Variants in DMBT1 observed in about 807,000 individuals in gnomAD.
DMBT1 encodes the protein scavenger receptor cysteine-rich domain-containing protein DMBT1.
Under a neutral mutation model 252.9 loss-of-function variants are expected in DMBT1, and 198 were observed. The observed-to-expected ratio is 0.78, with a 90% CI of 0.70 to 0.88. The LOEUF (loss-of-function observed/expected upper bound fraction) is 0.88, where lower values mean the gene tolerates loss of function less well. Among genes scored for constraint, DMBT1 ranks in the 40% least tolerant of loss-of-function variants. DMBT1 has a pLI of 0.00. For missense variants in DMBT1, 2,432 were observed against 2,404.7 expected, an observed-to-expected ratio of 1.01 and a Z score of -0.24; for synonymous variants, 990 against 942.7, an observed-to-expected ratio of 1.05 and a Z score of -0.92.
At chr10:122,629,704 G>A (rs1014355945) in intron 46 of DMBT1, 136 bp from the exon 47 acceptor site, 2 of 1,052,714 alleles carry the variant, frequency 1.9e-6, no homozygotes, top group Non-Finnish European at 2.8e-6. Context: ...CAAGAGAGGG[G>A]ACTTGTTTAC....
rs377131287 is a variant in DMBT1 at position 122,600,665 on chromosome 10, C to G, written c.3311-326C>G. On this transcript the variant is annotated intron_variant, in intron 27 of 55. Coordinates refer to ENST00000338354, the MANE Select transcript of DMBT1 (RefSeq NM_001377530.1). ...CCTGGTTCCCCTAACATTTTATCTGCCAGTGTCCGAGCCTCAGCAATGGCG... is the reference window on the plus strand; with the variant it reads ...CCTGGTTCCCCTAACATTTTATCTGGCAGTGTCCGAGCCTCAGCAATGGCG... Among the ~76,000 whole-genome samples, 999 of 152,274 alleles carry G rather than the reference C, an allele frequency of 6.6e-3. 28 individuals carry two copies. The highest frequency in any genetic ancestry group is 0.053 in the Admixed American group (806 of 15,292).
In DMBT1 at chr10:122,579,838, C is replaced by A. The variant is rs947126229; in HGVS notation, c.940C>A (p.Pro314Thr). 2 of 1,613,630 alleles carry A rather than the reference C, an allele frequency of 1.2e-6. No individual in the cohort carries two copies. Among genetic ancestry groups the A allele is most frequent in the Admixed American group, 1.7e-5 (1 of 60,002 alleles). ...SGHESYLWSCPHNGWLTHNCG... is the reference protein window; with the variant it reads ...SGHESYLWSCTHNGWLTHNCG... ...ACATGAGTCCTACCTGTGGAGCTGC[C>A]CCCACAATGGCTGGCTCACCCACAA... is the stretch of plus-strand genomic sequence containing the variant. The change falls in exon 10 of 56, where the codon CCC (proline) becomes ACC (threonine). Residue 314 changes from proline (P) to threonine (T), a missense_variant. Pro to Thr is a conservative substitution (Grantham distance 38, BLOSUM62 -1). Coordinates refer to ENST00000338354, the MANE Select transcript of DMBT1 (RefSeq NM_001377530.1).
At chr10:122,620,229 C>T (rs1321405062) in intron 42 of DMBT1, 24 bp from the exon 43 acceptor site, 5 of 1,613,528 alleles carry the variant, frequency 3.1e-6, no homozygotes, top group Non-Finnish European at 4.2e-6. Flanking sequence ...TAATTTTGTC[C>T]TTTCTCTTTG....
chr10:122,622,079 G>A (rs780073005), intron 44 of DMBT1, among the ~76,000 whole-genome samples: 2 of 152,190 alleles, frequency 1.3e-5, no homozygotes, highest in Non-Finnish European at 2.9e-5. Flanking sequence ...GCTAAAACCT[G>A]CAAGGGAAAG....
intron 21 of DMBT1, among the ~76,000 whole-genome samples, chr10:122,594,015 G>A (rs1268459535): frequency 1.5e-5 from 2 of 135,344 alleles, no homozygotes; most frequent in African/African-American, 2.5e-5. Context: ...GAAACATTCC[G>A]AGATTATGAT....
At chr10:122,577,303 T>C (rs1591236455) in intron 7 of DMBT1, among the ~76,000 whole-genome samples, 2 of 152,212 alleles carry the variant, frequency 1.3e-5, no homozygotes, top group Non-Finnish European at 2.9e-5. Context: ...AGGATGCAAT[T>C]GTAAATAGTT....
chr10:122,564,329 C>T (rs1486786372), intron 1 of DMBT1, among the ~76,000 whole-genome samples: 3 of 152,120 alleles, frequency 2.0e-5, no homozygotes, highest in Admixed American at 6.5e-5. Flanking sequence ...AAGAGCCGGG[C>T]ATGGTGACAC....
At chr10:122,590,546 C>G (rs909129844) in intron 17 of DMBT1, 119 bp from the exon 18 acceptor site, 1 of 1,264,802 alleles carries the variant, frequency 7.9e-7, no homozygotes, top group African/African-American at 1.4e-5. Context: ...AATGCCCCTC[C>G]CTCTGTGATG....
chr10:122,571,958 A>C (rs113321503), intron 4 of DMBT1, among the ~76,000 whole-genome samples: 1 of 152,172 alleles, frequency 6.6e-6, no homozygotes, highest in African/African-American at 2.4e-5. Flanking sequence ...AGTGATGGTG[A>C]ATATTTGTCA....
rs753651349 is a variant in DMBT1 at position 122,631,177 on chromosome 10, A to T, written c.6242A>T (p.Asp2081Val). The change falls in exon 49 of 56, where the codon GAT becomes GTT. Residue 2081 changes from aspartate (D) to valine (V), a missense_variant. Around this residue, in one of 3 missense-constraint regions of DMBT1, gnomAD observed 1,162 missense variants for 1,169.0 expected, o/e 0.99. Coordinates refer to ENST00000338354, the MANE Select transcript of DMBT1 (RefSeq NM_001377530.1). ...GSGSGPITLD[D>V]VECSGTESTL... ...GGCTCTGGCCCCATCACCCTGGACG[A>T]TGTAGAGTGCTCAGGGACGGAATCC... 3 of 1,614,000 alleles carry T rather than the reference A, an allele frequency of 1.9e-6. No individual in the cohort carries two copies. The Admixed American group carries it at 5.0e-5, about 27-fold the overall frequency.
chr10:122,575,095 G>T (rs2097700454), intron 6 of DMBT1, among the ~76,000 whole-genome samples: 1 of 152,194 alleles, frequency 6.6e-6, no homozygotes. Flanking sequence ...TTCCAAGCCA[G>T]TACCTTACTT....
intron 54 of DMBT1, among the ~76,000 whole-genome samples, chr10:122,637,543 G>T (rs2098237032): frequency 6.6e-6 from 1 of 152,234 alleles, no homozygotes. Flanking sequence ...GTCCAGCAGA[G>T]AGGGCTTCTG....
intron 53 of DMBT1, 50 bp downstream of exon 53, chr10:122,636,249 G>A (rs779891044): frequency 6.7e-7 from 1 of 1,481,636 alleles, no homozygotes; most frequent in East Asian, 2.3e-5. Context: ...CATCCTGAGA[G>A]CATCTGTGGC....
chr10:122,640,325 G>T lies in DMBT1; in HGVS notation c.7228G>T (p.Asp2410Tyr), dbSNP rs1178135963. The T allele has an allele frequency of 1.2e-6, 2 of 1,613,888 alleles. No individual in the cohort carries two copies. Among genetic ancestry groups the T allele is most frequent in the Middle Eastern group, 1.6e-4 (1 of 6,084 alleles). Residue 2410 changes from aspartate (D) to tyrosine (Y), a missense_variant, in exon 55 of 56, where the codon GAC becomes TAC. Coordinates refer to ENST00000338354, the MANE Select transcript of DMBT1 (RefSeq NM_001377530.1). ...CCCTTACTACGTGGACCTGAACCAG[G>T]ACTTGTACGTTCAGGCTGAAATCCT... ...SRPYYVDLNQ[D>Y]LYVQAEILHS...
chr10:122,619,467 CTG>C, intron 42 of DMBT1, 130 bp downstream of exon 42: 2 of 1,223,052 alleles, frequency 1.6e-6, no homozygotes, highest in Non-Finnish European at 1.2e-6. Flanking sequence ...TCCCACCACT[CTG>C]TAACTGAGAC....
intron 43 of DMBT1, 108 bp from the exon 44 acceptor site, chr10:122,620,949 C>A: frequency 1.3e-6 from 2 of 1,555,602 alleles, no homozygotes; most frequent in Non-Finnish European, 1.7e-6. Flanking sequence ...AAGGTGATTA[C>A]CTGCACACGT....
At chr10:122,575,609 G>A (rs1245340240) in intron 6 of DMBT1, among the ~76,000 whole-genome samples, 1 of 152,156 alleles carries the variant, frequency 6.6e-6, no homozygotes, top group African/African-American at 2.4e-5. Context: ...CTACTGTTGT[G>A]ACAGGTAATG....
chr10:122,577,126 T>C (rs2097719538), intron 7 of DMBT1, among the ~76,000 whole-genome samples: 1 of 152,088 alleles, frequency 6.6e-6, no homozygotes, highest in Admixed American at 6.5e-5. Flanking sequence ...ACATCAGAAA[T>C]GATGAGCTTT....
In DMBT1 at chr10:122,592,268, G is replaced by A; in HGVS notation, c.2177-4G>A. The A allele has an allele frequency of 6.3e-7, 1 of 1,586,540 alleles. No individual in the cohort carries two copies. ...GGATAAAGGGTTCTTGTGTTCCCCTGTAGGATCTGAATCCAGTTTGACCCT... is the reference window on the plus strand; with the variant it reads ...GGATAAAGGGTTCTTGTGTTCCCCTATAGGATCTGAATCCAGTTTGACCCT... On this transcript the variant is annotated splice_polypyrimidine_tract_variant and splice_region_variant and intron_variant, in intron 19 of 55. Coordinates refer to ENST00000338354, the MANE Select transcript of DMBT1 (RefSeq NM_001377530.1).
Sources: gnomAD v4.1 joint callset for allele counts (sites outside exome capture counted in the v4.1 genomes callset) on GRCh38, gnomAD v4.1.1 for gene constraint, gnomAD v4.1.1 regional missense constraint, MANE v1.5 for transcripts, NCBI Gene and HGNC (gene_info 2026-07-23, HGNC 2026-07-21) for gene names.